Variants in PROSER1 observed in about 807,000 individuals in gnomAD.
PROSER1 encodes proline and serine-rich protein 1.
Under a neutral mutation model 71.8 loss-of-function variants are expected in PROSER1, and 36 were observed. That is an observed-to-expected ratio of 0.50 (90% CI 0.38 to 0.66). The LOEUF is 0.66. Among genes scored for constraint, PROSER1 ranks in the 30% least tolerant of loss-of-function variants. The probability of loss-of-function intolerance (pLI) is 0.00; values close to 1 mark genes in which losing one functional copy is unlikely to be tolerated. For synonymous variants in PROSER1, 490 were observed against 452.4 expected, an observed-to-expected ratio of 1.08 and a Z score of -1.06; for missense variants, 1,107 against 1,135.0, an observed-to-expected ratio of 0.98 and a Z score of 0.35.
At chr13:39,028,909 T>A (rs77596007) in intron 4 of PROSER1, 3,935 of 159,848 alleles carry the variant, frequency 0.025, 170 homozygotes, top group African/African-American at 0.091. Context: ...ATGAGCCTTA[T>A]TTTTACAATT....
chr13:39,017,635 G>A, intron 9 of PROSER1, 91 bp from the exon 10 acceptor site: 2 of 694,882 alleles, frequency 2.9e-6, no homozygotes, highest in South Asian at 1.8e-5. Context: ...GAAAAACACA[G>A]GATATAAATA....
chr13:39,022,250 T>C (rs1413850539), intron 9 of PROSER1, 76 bp downstream of exon 9: 3 of 985,192 alleles, frequency 3.0e-6, no homozygotes, highest in Non-Finnish European at 4.9e-6. Flanking sequence ...GAATACGTCA[T>C]GCCAAACAAC....
intron 1 of PROSER1, among the ~76,000 whole-genome samples, chr13:39,035,672 CCT>C (rs1871068066): frequency 2.0e-5 from 3 of 152,274 alleles, no homozygotes; most frequent in South Asian, 4.1e-4. Flanking sequence ...TTCTTATATG[CCT>C]CTGTTTTAAA....
At chr13:39,033,226 T>C (rs1443063126) in intron 2 of PROSER1, among the ~76,000 whole-genome samples, 1 of 152,182 alleles carries the variant, frequency 6.6e-6, no homozygotes, top group Non-Finnish European at 1.5e-5. Context: ...AGCCAAAACA[T>C]TTAAATTTTT....
At chr13:39,024,680 T>C (rs1870462481) in intron 6 of PROSER1, 124 bp from the exon 7 acceptor site, 2 of 689,396 alleles carry the variant, frequency 2.9e-6, no homozygotes, top group South Asian at 4.0e-5. Flanking sequence ...AAGACTTGCA[T>C]TCCCATTTCA....
chr13:39,019,447 C>T (rs1434841393), intron 9 of PROSER1, among the ~76,000 whole-genome samples: 2 of 124,288 alleles, frequency 1.6e-5, no homozygotes, highest in African/African-American at 3.1e-5. Flanking sequence ...ACCTGGGAGG[C>T]GGAGGTTGTG....
At position 39,013,331 on chromosome 13, in the gene PROSER1, G is replaced by A. The variant is rs765393708; in HGVS notation, c.1921C>T (p.Arg641Cys). ...GTLGLSGTLGRAYTSTSVPIS... is the reference protein window; with the variant it reads ...GTLGLSGTLGCAYTSTSVPIS... ...GGCACGGATGTTGAAGTATATGCAC[G>A]GCCCAATGTCCCTGACAAACCTAAA... The change falls in exon 11 of 13, where the codon CGT becomes TGT. Residue 641 changes from arginine to cysteine, a missense_variant. Coordinates refer to ENST00000352251, the MANE Select transcript of PROSER1 (RefSeq NM_025138.5). The A allele has an allele frequency of 1.1e-5, 17 of 1,614,016 alleles. No homozygotes were observed. Among genetic ancestry groups the A allele is most frequent in the Admixed American group, 1.7e-5 (1 of 60,002 alleles).
At chr13:39,036,919 G>A (rs1427035507) in intron 1 of PROSER1, among the ~76,000 whole-genome samples, 2 of 152,108 alleles carry the variant, frequency 1.3e-5, no homozygotes, top group Non-Finnish European at 2.9e-5. Flanking sequence ...AAAGTACAGA[G>A]CTATTACGGA....
chr13:39,017,144 A>G (rs1168629890), intron 10 of PROSER1, among the ~76,000 whole-genome samples: 2 of 152,266 alleles, frequency 1.3e-5, no homozygotes, highest in Non-Finnish European at 2.9e-5. Context: ...GCATTTGTCA[A>G]AAAGGATTTT....
intron 9 of PROSER1, among the ~76,000 whole-genome samples, chr13:39,018,495 C>CAA (rs35110944): frequency 0.12 from 18,267 of 147,362 alleles, 1,510 homozygotes; most frequent in African/African-American, 0.23. Flanking sequence ...CACACACACA[C>CAA]ACACACACAC....
intron 11 of PROSER1, 112 bp downstream of exon 11, chr13:39,012,579 C>T: frequency 2.2e-6 from 2 of 928,216 alleles, no homozygotes; most frequent in Non-Finnish European, 3.2e-6. Context: ...AAAGTTTTCA[C>T]CCAGAAAAAC....
At chr13:39,028,194 G>A (rs746995819) in intron 5 of PROSER1, 33 bp downstream of exon 5, 93 of 1,184,056 alleles carry the variant, frequency 7.9e-5, no homozygotes, top group Middle Eastern at 7.7e-4. Flanking sequence ...AAAAACCAGC[G>A]TACCAAGTAC....
At chr13:39,021,191 C>T (rs1459746397) in intron 9 of PROSER1, among the ~76,000 whole-genome samples, 1 of 152,124 alleles carries the variant, frequency 6.6e-6, no homozygotes, top group Non-Finnish European at 1.5e-5. Flanking sequence ...CAATTCACCC[C>T]CTCCCCAAGT....
chr13:39,013,590 T>C lies in PROSER1; in HGVS notation c.1662A>G (p.Thr554=), dbSNP rs372198049. 9.3e-6 allele frequency: 15 copies of C among 1,613,962 alleles called. No individual in the cohort carries two copies. Among genetic ancestry groups the C allele is most frequent in the Non-Finnish European group, 1.3e-5 (15 of 1,179,986 alleles). The change falls in exon 11 of 13, where the codon ACA becomes ACG. Residue 554 remains threonine (T), a synonymous_variant. Coordinates refer to ENST00000352251, the MANE Select transcript of PROSER1 (RefSeq NM_025138.5). The part of the protein sequence containing the change: ...PVANSTSTPL[T]LPVQSPLATA... ...TGGCTAAAGGAGACTGTACAGGCAA[T>C]GTCAGGGGAGTGGAAGTTGAGTTAG...
At chr13:39,026,649 T>A (rs1870559302) in intron 5 of PROSER1, among the ~76,000 whole-genome samples, 2 of 152,140 alleles carry the variant, frequency 1.3e-5, no homozygotes. Context: ...TTTTGTAAAT[T>A]GTGTAAAAAA....
At position 39,014,401 on chromosome 13, in the gene PROSER1, G is replaced by A. The variant is rs1869902587; in HGVS notation, c.851C>T (p.Pro284Leu). The A allele has an allele frequency of 6.2e-7, 1 of 1,614,090 alleles. No individual in the cohort carries two copies. The highest frequency in any genetic ancestry group is 8.5e-7 in the Non-Finnish European group (1 of 1,180,012). ...AATTGCCTTGACTGGGGATGCAGTA[G>A]GAACAGGAGTTGCAGCAGGTGTTGA... The part of the protein sequence containing the change: ...NPSTPAATPV[P>L]TASPVKAINH... The change falls in exon 11 of 13, where the codon CCT becomes CTT. Residue 284 changes from proline to leucine, a missense_variant. By Grantham distance (98) the Pro-to-Leu change is moderately conservative (BLOSUM62 -3). Coordinates refer to ENST00000352251, the MANE Select transcript of PROSER1 (RefSeq NM_025138.5).
At chr13:39,020,970 T>C (rs906986685) in intron 9 of PROSER1, among the ~76,000 whole-genome samples, 3 of 152,240 alleles carry the variant, frequency 2.0e-5, no homozygotes, top group African/African-American at 7.2e-5. Flanking sequence ...TACTTCTCCA[T>C]AGCACGTCAA....
intron 2 of PROSER1, among the ~76,000 whole-genome samples, chr13:39,033,496 T>C (rs932456027): frequency 1.3e-5 from 2 of 152,336 alleles, no homozygotes; most frequent in Admixed American, 1.3e-4. Flanking sequence ...TCTCCAGACA[T>C]TTCTATTAAT....
At chr13:39,031,515 T>A (rs1457012024) in intron 3 of PROSER1, 48 bp downstream of exon 3, 1 of 1,353,496 alleles carries the variant, frequency 7.4e-7, no homozygotes, top group Non-Finnish European at 1.0e-6. Flanking sequence ...CTGGGAGAAT[T>A]AAAAATACTT....
Sources: allele counts gnomAD v4.1 joint callset (sites outside exome capture counted in the v4.1 genomes callset), GRCh38; gene constraint gnomAD v4.1.1; transcripts MANE v1.5; gene names NCBI Gene and HGNC (gene_info 2026-07-23, HGNC 2026-07-21).